ADNP: variants seen among roughly 807,000 people sequenced by gnomAD.
ADNP encodes activity dependent neuroprotector homeobox, also known as activity-dependent neuroprotector homeobox protein.
A neutral mutation model predicts 84.9 loss-of-function variants in ADNP; 4 were observed. The ratio of observed to expected loss-of-function variants is 0.05; its 90% confidence interval spans 0.02 to 0.11. ADNP has a LOEUF of 0.11. Among genes scored for constraint, ADNP ranks in the 10% least tolerant of loss-of-function variants. The pLI is 1.00. For missense variants in ADNP, 1,132 were observed against 1,326.0 expected (o/e 0.85, Z 2.27); for synonymous variants, 554 against 468.1 (o/e 1.18, Z -2.37).
Position 50,904,855 on chromosome 20 carries a change from A to G in ADNP, c.-89-6T>C, listed in dbSNP as rs1444850236. 3 of 150,838 alleles carry G rather than the reference A, an allele frequency of 2.0e-5. No homozygotes were observed. The highest frequency in any genetic ancestry group is 7.3e-5 in the African/African-American group (3 of 41,184). The allele number at this position is 150,838 out of a possible 1,614,324, so 9.3% of individuals were successfully genotyped here. A position where few individuals can be genotyped will look rare whatever the true frequency, so the allele number is the denominator to read the frequency against. On this transcript the variant is annotated splice_region_variant and splice_polypyrimidine_tract_variant and intron_variant, in intron 2 of 5. Coordinates refer to ENST00000621696, the MANE Select transcript of ADNP (RefSeq NM_001282531.3). ...CTGCCTACTGCTACGGTATTCTTTA[A>G]AACAAAAACAAAAACAAAAACAAAA...
In ADNP at chr20:50,893,671, C is replaced by T; in HGVS notation, c.1043G>A (p.Arg348Lys). ...TGGTGCGTTGCCACCTAGACCCAGTCTCATTGACTGACCAACACTGTAACC... is the reference window on the plus strand; with the variant it reads ...TGGTGCGTTGCCACCTAGACCCAGTTTCATTGACTGACCAACACTGTAACC... ...GQGYSVGQSM[R>K]LGLGGNAPVS... The change falls in exon 6 of 6, where the codon AGA (arginine) becomes AAA (lysine). Residue 348 changes from arginine to lysine, a missense_variant. This residue lies in a region of ADNP where 239 missense variants were observed against 213.2 expected (regional missense o/e 1.12). Transcript: ENST00000621696. This position sits in a 1 kb window ranked among gnomAD's most constrained non-coding sequence, Gnocchi z 4.4. 6.2e-7 allele frequency: 1 copy of T among 1,614,182 alleles called. No homozygotes were observed. Among genetic ancestry groups the T allele is most frequent in the African/African-American group, 1.3e-5 (1 of 75,052 alleles).
At chr20:50,895,815 G>A (rs1374332967) in intron 5 of ADNP, among the ~76,000 whole-genome samples, 3 of 152,202 alleles carry the variant, frequency 2.0e-5, no homozygotes, top group South Asian at 2.1e-4. Flanking sequence ...ATTGCAAGCC[G>A]CTGTGCCGAG....
chr20:50,916,322 A>G (rs1983508518), intron 2 of ADNP, among the ~76,000 whole-genome samples: 1 of 152,240 alleles, frequency 6.6e-6, no homozygotes, highest in Admixed American at 6.5e-5. Flanking sequence ...AAATCCCATC[A>G]GGCAGCTCAT....
rs200517389 is a variant in ADNP at position 50,891,638 on chromosome 20, A to G, written c.3076T>C (p.Leu1026=). Residue 1026 remains leucine, a synonymous_variant, in exon 6 of 6, where the codon TTG becomes CTG. Transcript: ENST00000621696. The part of the protein sequence containing the change: ...KATMQGDREQ[L]KWKNSSYGKV... ...CCATAGGAACTATTCTTCCATTTCAACTGCTCTCTGTCACCTTGCATGGTA... is the reference window on the plus strand; with the variant it reads ...CCATAGGAACTATTCTTCCATTTCAGCTGCTCTCTGTCACCTTGCATGGTA... The G allele has an allele frequency of 5.0e-6, 8 of 1,614,008 alleles. No homozygotes were observed. Among genetic ancestry groups the G allele is most frequent in the Admixed American group, 3.3e-5 (2 of 60,010 alleles).
intron 2 of ADNP, among the ~76,000 whole-genome samples, chr20:50,911,318 C>T (rs1005997959): frequency 1.3e-5 from 2 of 152,096 alleles, no homozygotes; most frequent in Admixed American, 1.3e-4. Flanking sequence ...CCCCAGGTTT[C>T]CCTAGTTTCA....
chr20:50,895,870 G>A (rs777328015), intron 5 of ADNP, among the ~76,000 whole-genome samples: 1 of 152,120 alleles, frequency 6.6e-6, no homozygotes, highest in Non-Finnish European at 1.5e-5. Context: ...AGCTTGCTGT[G>A]GTTTATACAC....
intron 2 of ADNP, among the ~76,000 whole-genome samples, chr20:50,915,543 C>T (rs1983443878): frequency 6.6e-6 from 1 of 152,146 alleles, no homozygotes; most frequent in Non-Finnish European, 1.5e-5. Context: ...TTCCATTCTC[C>T]TATAAGCTTG....
At chr20:50,921,113 C>G (rs998497151) in intron 2 of ADNP, among the ~76,000 whole-genome samples, 2 of 152,174 alleles carry the variant, frequency 1.3e-5, no homozygotes, top group Non-Finnish European at 2.9e-5. Flanking sequence ...CAAGTTAATG[C>G]TTAAGTCAGT....
rs192277264 is a variant in ADNP, at chr20:50,924,126, G to C, written c.-90+4525C>G. The stretch of plus-strand genomic sequence containing the variant: ...ATGGAGCATGAAGGATTCAGAAAAA[G>C]AAAGGGTAAAAGCCAGCAATTATCT... On this transcript the variant is annotated intron_variant, in intron 2 of 5. Transcript: ENST00000621696. Among the ~76,000 whole-genome samples the C allele has an allele frequency of 4.6e-5, 7 of 152,250 alleles. No individual in the cohort carries two copies. In the East Asian group the frequency reaches 1.4e-3, roughly 29 times the overall value.
chr20:50,889,297 A>T lies in ADNP; in HGVS notation c.*2108T>A, dbSNP rs1980400249. On this transcript the variant is annotated 3_prime_UTR_variant, in exon 6 of 6. Transcript: ENST00000621696. ...TCCACGTACAACTCAGAAGCCTGTT[A>T]ATCAGGGAGGGTAATTTCCAAATAA... The T allele has an allele frequency of 6.6e-6, 1 of 152,214 alleles. No homozygotes were observed. The allele number at this position is 152,214 out of a possible 1,614,324, so 9.4% of individuals were successfully genotyped here.
intron 1 of ADNP, among the ~76,000 whole-genome samples, chr20:50,930,418 C>G (rs1413294738): frequency 1.3e-5 from 2 of 150,218 alleles, no homozygotes; most frequent in African/African-American, 2.4e-5. Context: ...TGGTTCAAGG[C>G]ATGGGGGTGT....
At chr20:50,913,781 G>A in intron 2 of ADNP, 1 of 464,784 alleles carries the variant, frequency 2.2e-6, no homozygotes, top group Non-Finnish European at 4.1e-6. Context: ...ACAGAGGGAA[G>A]CTGGAGGAGG....
chr20:50,923,015 T>G (rs981051793), intron 2 of ADNP, among the ~76,000 whole-genome samples: 4 of 152,092 alleles, frequency 2.6e-5, no homozygotes, highest in African/African-American at 7.2e-5. Context: ...GAATCTTGCC[T>G]TGGGACACGT....
intron 2 of ADNP, among the ~76,000 whole-genome samples, chr20:50,913,050 C>T (rs1163619957): frequency 2.0e-5 from 3 of 151,584 alleles, no homozygotes; most frequent in Admixed American, 1.3e-4. Flanking sequence ...CAGGAATTCA[C>T]GACCAGCCTG....
At chr20:50,898,031 A>G (rs536812496) in intron 5 of ADNP, among the ~76,000 whole-genome samples, 1 of 152,322 alleles carries the variant, frequency 6.6e-6, no homozygotes, top group East Asian at 1.9e-4. Flanking sequence ...ATTGCCCCCA[A>G]GCAAGACTGT....
intron 5 of ADNP, among the ~76,000 whole-genome samples, chr20:50,895,841 T>A (rs1568713839): frequency 6.6e-6 from 1 of 152,214 alleles, no homozygotes; most frequent in African/African-American, 2.4e-5. Context: ...AAAAATATTT[T>A]TTCTTCAATA....
At chr20:50,927,704 T>G (rs1984384409) in intron 2 of ADNP, among the ~76,000 whole-genome samples, 1 of 152,212 alleles carries the variant, frequency 6.6e-6, no homozygotes, top group Non-Finnish European at 1.5e-5. Context: ...CCTCACCTTA[T>G]TTTTTGAGTG....
At chr20:50,906,413 G>A (rs1337364486) in intron 2 of ADNP, among the ~76,000 whole-genome samples, 1 of 152,170 alleles carries the variant, frequency 6.6e-6, no homozygotes, top group Non-Finnish European at 1.5e-5. Context: ...CTCTCTATGG[G>A]CCAAAATTCA....
chr20:50,910,484 G>A (rs907740296), intron 2 of ADNP, among the ~76,000 whole-genome samples: 1 of 152,110 alleles, frequency 6.6e-6, no homozygotes, highest in Admixed American at 6.5e-5. Context: ...ATATACAGGC[G>A]GCTGAGGTGG....
Sources: gnomAD v4.1 joint callset for allele counts (sites outside exome capture counted in the v4.1 genomes callset) on GRCh38, gnomAD v4.1.1 for gene constraint, gnomAD v4.1.1 regional missense constraint, Gnocchi (gnomAD v3.1) non-coding constraint, MANE v1.5 for transcripts, NCBI Gene and HGNC (gene_info 2026-07-23, HGNC 2026-07-21) for gene names.